SEMA5A: variants seen among roughly 807,000 people sequenced by gnomAD.
SEMA5A encodes the protein semaphorin 5A, also known as semaphorin-5A.
Under a neutral mutation model 135.5 loss-of-function variants are expected in SEMA5A, and 55 were observed. That is an observed-to-expected ratio of 0.41 (90% CI 0.33 to 0.51). SEMA5A has a LOEUF of 0.51. Ranked by LOEUF, SEMA5A falls within the 20% of genes least tolerant of loss-of-function variation. The pLI, the probability that SEMA5A is intolerant of heterozygous loss-of-function variation, is 0.37. For synonymous variants in SEMA5A, 580 were observed against 546.5 expected, an observed-to-expected ratio of 1.06 and a Z score of -0.85; for missense variants, 1,290 against 1,419.9, an observed-to-expected ratio of 0.91 and a Z score of 1.47.
At chr5:9,059,491 G>A (rs1440582860) in intron 18 of SEMA5A, among the ~76,000 whole-genome samples, 1 of 152,184 alleles carries the variant, frequency 6.6e-6, no homozygotes, top group Non-Finnish European at 1.5e-5. Flanking sequence ...ATACACATCA[G>A]TCTTAGAGGT....
chr5:9,163,784 A>G (rs1305299152), intron 11 of SEMA5A, among the ~76,000 whole-genome samples: 1 of 151,824 alleles, frequency 6.6e-6, no homozygotes, highest in Admixed American at 6.6e-5. Flanking sequence ...ACAGGCACAA[A>G]AGAAAGACCA....
At chr5:9,146,296 C>A (rs1287437731) in intron 12 of SEMA5A, among the ~76,000 whole-genome samples, 2 of 152,126 alleles carry the variant, frequency 1.3e-5, no homozygotes, top group Non-Finnish European at 2.9e-5. Context: ...TACTTTCTGC[C>A]ATTTCTCTAT....
intron 1 of SEMA5A, among the ~76,000 whole-genome samples, chr5:9,515,007 T>C (rs1365905143): frequency 6.6e-6 from 1 of 152,246 alleles, no homozygotes; most frequent in East Asian, 1.9e-4. Flanking sequence ...CAAAATGTTT[T>C]TCTCCTACAC....
At chr5:9,293,122 C>T (rs1751169451) in intron 5 of SEMA5A, among the ~76,000 whole-genome samples, 2 of 152,208 alleles carry the variant, frequency 1.3e-5, no homozygotes, top group South Asian at 4.1e-4. Flanking sequence ...GCCACTACCA[C>T]TGTTCATTTT....
intron 1 of SEMA5A, among the ~76,000 whole-genome samples, chr5:9,536,066 G>A (rs1737748251): frequency 6.6e-6 from 1 of 152,154 alleles, no homozygotes; most frequent in Admixed American, 6.5e-5. Flanking sequence ...CAGCAAAGTG[G>A]CCAGATGCTT....
rs375904954 is a variant in SEMA5A at position 9,190,322 on chromosome 5, T to C, written c.1218A>G (p.Ala406=). 1 of 1,614,138 alleles carries C rather than the reference T, an allele frequency of 6.2e-7. No homozygotes were observed. Among genetic ancestry groups the C allele is most frequent in the Non-Finnish European group, 8.5e-7 (1 of 1,180,022 alleles). The change falls in exon 11 of 23, where the codon GCA becomes GCG. Residue 406 remains alanine, a synonymous_variant. Coordinates refer to ENST00000382496, the MANE Select transcript of SEMA5A (RefSeq NM_003966.3). ...CTTCTCTGCCCTGCACCACGTCGAC[T>C]GCCACGTGGGAAAAGCGGCTATTGT... ...MEDNSRFSHV[A]VDVVQGREAL...
At chr5:9,384,661 T>G (rs1460325881) in intron 2 of SEMA5A, among the ~76,000 whole-genome samples, 1,007 of 66,454 alleles carry the variant, frequency 0.015, 74 homozygotes, top group Non-Finnish European at 0.023. Flanking sequence ...GATAGATAGA[T>G]ATAGATAGAT....
At chr5:9,485,569 G>A (rs963688403) in intron 1 of SEMA5A, among the ~76,000 whole-genome samples, 2 of 152,332 alleles carry the variant, frequency 1.3e-5, no homozygotes, top group South Asian at 4.1e-4. Flanking sequence ...GCTCCACCCT[G>A]TGTCAAGCAG....
chr5:9,337,853 T>C, intron 3 of SEMA5A, 41 bp from the exon 4 acceptor site: 2 of 1,405,736 alleles, frequency 1.4e-6, no homozygotes, highest in Non-Finnish European at 2.0e-6. Flanking sequence ...TAAAAATGAA[T>C]TATTTTTCCT....
At chr5:9,242,091 G>A (rs757394842) in intron 5 of SEMA5A, among the ~76,000 whole-genome samples, 5 of 152,146 alleles carry the variant, frequency 3.3e-5, no homozygotes, top group Non-Finnish European at 5.9e-5. Context: ...TCTGCGATGC[G>A]CTGGGAAATG....
At chr5:9,292,862 C>T (rs1288209231) in intron 5 of SEMA5A, among the ~76,000 whole-genome samples, 4 of 152,114 alleles carry the variant, frequency 2.6e-5, no homozygotes, top group Non-Finnish European at 4.4e-5. Flanking sequence ...GTGGGGTGTG[C>T]TACTGGCATC....
At chr5:9,213,556 G>A (rs1170204626) in intron 8 of SEMA5A, among the ~76,000 whole-genome samples, 1 of 152,130 alleles carries the variant, frequency 6.6e-6, no homozygotes, top group African/African-American at 2.4e-5. Flanking sequence ...GGGTTGTCTG[G>A]GGGAAGAGCT....
chr5:9,332,210 C>G (rs1024201881), intron 4 of SEMA5A, among the ~76,000 whole-genome samples: 2 of 150,694 alleles, frequency 1.3e-5, no homozygotes, highest in Non-Finnish European at 2.9e-5. Context: ...CAGCTCTGGG[C>G]TGGTACTCAC....
At chr5:9,406,612 A>G (rs1756897721) in intron 2 of SEMA5A, among the ~76,000 whole-genome samples, 1 of 152,256 alleles carries the variant, frequency 6.6e-6, no homozygotes, top group Non-Finnish European at 1.5e-5. Context: ...GGCACTGGAC[A>G]TTTTAAAAAT....
intron 5 of SEMA5A, among the ~76,000 whole-genome samples, chr5:9,273,316 C>T (rs1750084955): frequency 6.6e-6 from 1 of 152,028 alleles, no homozygotes; most frequent in South Asian, 2.1e-4. Flanking sequence ...ATGAACAAAG[C>T]CCCCAAGAAA....
At chr5:9,450,937 T>C (rs983136252) in intron 1 of SEMA5A, among the ~76,000 whole-genome samples, 3 of 152,198 alleles carry the variant, frequency 2.0e-5, no homozygotes, top group African/African-American at 7.2e-5. Context: ...GGTCTGTGGA[T>C]GGGAAGGTAC....
chr5:9,170,051 G>A (rs1353117444), intron 11 of SEMA5A, among the ~76,000 whole-genome samples: 1 of 152,130 alleles, frequency 6.6e-6, no homozygotes, highest in Non-Finnish European at 1.5e-5. Context: ...ATTCCATCTG[G>A]GAGGTGTGAG....
intron 13 of SEMA5A, among the ~76,000 whole-genome samples, chr5:9,132,179 C>T (rs552904987): frequency 5.9e-5 from 9 of 152,240 alleles, no homozygotes; most frequent in Non-Finnish European, 8.8e-5. Flanking sequence ...AAATAGGGAT[C>T]CCTCTGTAGA....
At chr5:9,093,576 G>A (rs138726390) in intron 16 of SEMA5A, among the ~76,000 whole-genome samples, 6 of 151,898 alleles carry the variant, frequency 4.0e-5, no homozygotes, top group African/African-American at 7.3e-5. Flanking sequence ...GCCTGGTGGC[G>A]CACGCCTGTA....
Sources: allele counts gnomAD v4.1 joint callset (sites outside exome capture counted in the v4.1 genomes callset), GRCh38; gene constraint gnomAD v4.1.1; transcripts MANE v1.5; gene names NCBI Gene and HGNC (gene_info 2026-07-23, HGNC 2026-07-21).